SNW1: variants seen among roughly 807,000 people sequenced by gnomAD.
SNW1 encodes the protein SNW domain-containing protein 1.
SNW1 carries 9 observed loss-of-function variants against 75.6 expected under a neutral mutation model. The ratio of observed to expected loss-of-function variants is 0.12; its 90% confidence interval spans 0.07 to 0.21. The LOEUF (loss-of-function observed/expected upper bound fraction) is 0.21, where lower values mean the gene tolerates loss of function less well. Among genes scored for constraint, SNW1 ranks in the 10% least tolerant of loss-of-function variants. SNW1 has a pLI of 1.00. For synonymous variants in SNW1, 200 were observed against 219.1 expected, an observed-to-expected ratio of 0.91 and a Z score of 0.77; for missense variants, 409 against 670.9, an observed-to-expected ratio of 0.61 and a Z score of 4.31.
intron 6 of SNW1, among the ~76,000 whole-genome samples, chr14:77,736,604 A>C (rs2080674852): frequency 6.6e-6 from 1 of 151,500 alleles, no homozygotes; most frequent in Non-Finnish European, 1.5e-5. Flanking sequence ...TTATTGAGAT[A>C]ATTGACATTT....
chr14:77,740,193 A>G (rs1402806852), intron 3 of SNW1, among the ~76,000 whole-genome samples: 2 of 150,646 alleles, frequency 1.3e-5, no homozygotes, highest in Non-Finnish European at 3.0e-5. Flanking sequence ...AATAATAGGC[A>G]TTCTACCTTT....
chr14:77,736,110 C>A, intron 6 of SNW1, 104 bp from the exon 7 acceptor site: 2 of 756,984 alleles, frequency 2.6e-6, no homozygotes, highest in Admixed American at 2.6e-5. Context: ...CAAACATAGA[C>A]AAAAACAGAG....
At chr14:77,726,674 C>T (rs528460626) in intron 10 of SNW1, among the ~76,000 whole-genome samples, 39 of 152,150 alleles carry the variant, frequency 2.6e-4, no homozygotes, top group Non-Finnish European at 5.4e-4. Flanking sequence ...ATTAGCCAGG[C>T]GTGGTGGTGT....
chr14:77,742,676 CG>C (rs2080727788), intron 3 of SNW1, among the ~76,000 whole-genome samples: 2 of 152,012 alleles, frequency 1.3e-5, no homozygotes, highest in South Asian at 4.2e-4. Context: ...AAAGTTGTTA[CG>C]GTTTTTTAGG....
chr14:77,761,023 C>T (rs577166993), intron 1 of SNW1, 91 bp downstream of exon 1: 79 of 1,614,050 alleles, frequency 4.9e-5, no homozygotes, highest in African/African-American at 8.0e-5. Flanking sequence ...TGCCCCGGGT[C>T]AGGTCACCGC....
At position 77,731,071 on chromosome 14, in the gene SNW1, T is replaced by A. The variant is rs1209608884; in HGVS notation, c.950A>T (p.Lys317Met). The A allele has an allele frequency of 6.2e-7, 1 of 1,614,100 alleles. No individual in the cohort carries two copies. Among genetic ancestry groups the A allele is most frequent in the South Asian group, 1.1e-5 (1 of 91,080 alleles). ...QVERKMAQKE[K>M]EKHEEKLREM... ...TCTAAGTTTCTCTTCATGTTTTTCC[T>A]TTTCTTTCTGAGCCATTTTTCTCTC... The change falls in exon 10 of 14, where the codon AAG becomes ATG. Residue 317 changes from lysine to methionine, a missense_variant. By Grantham distance (95) the Lys-to-Met change is moderately conservative (BLOSUM62 -1). Coordinates refer to ENST00000261531, the MANE Select transcript of SNW1 (RefSeq NM_012245.3).
At chr14:77,720,466 AC>A in intron 12 of SNW1, 1 of 701,364 alleles carries the variant, frequency 1.4e-6, no homozygotes, top group Non-Finnish European at 2.6e-6. Context: ...CAAAAGGTTG[AC>A]ATACCACAAC....
rs2080499917 is a variant in SNW1, at chr14:77,717,727, A to G, written c.*361T>C. ...GGCAGGACAGTTCCAGTATGTGAAC[A>G]TCTTCCTCCTCACTGTGGTTGGGGT... On this transcript the variant is annotated 3_prime_UTR_variant, in exon 14 of 14. Transcript: ENST00000261531. 1 of 638,620 alleles carries G rather than the reference A, an allele frequency of 1.6e-6. No homozygotes were observed. Among genetic ancestry groups the G allele is most frequent in the Admixed American group, 2.9e-5 (1 of 34,396 alleles). 39.6% of individuals were successfully genotyped at this position (638,620 alleles called of 1,614,324 possible).
intron 10 of SNW1, among the ~76,000 whole-genome samples, chr14:77,728,441 A>G (rs2080603151): frequency 6.6e-6 from 1 of 152,182 alleles, no homozygotes; most frequent in African/African-American, 2.4e-5. Flanking sequence ...ACAAGAGCGA[A>G]ACTCCGTTTC....
intron 3 of SNW1, among the ~76,000 whole-genome samples, chr14:77,740,851 C>T (rs1362841231): frequency 2.6e-5 from 4 of 151,918 alleles, no homozygotes; most frequent in Non-Finnish European, 5.9e-5. Flanking sequence ...AATCCCAGCA[C>T]TTTGGGAGGC....
At chr14:77,724,376 AT>A (rs1398330949) in intron 10 of SNW1, among the ~76,000 whole-genome samples, 1 of 152,188 alleles carries the variant, frequency 6.6e-6, no homozygotes, top group Non-Finnish European at 1.5e-5. Flanking sequence ...ATCATTAACT[AT>A]TCTTCTCTTC....
At chr14:77,737,182 A>C in intron 5 of SNW1, 107 bp from the exon 6 acceptor site, 1 of 761,226 alleles carries the variant, frequency 1.3e-6, no homozygotes, top group Admixed American at 2.1e-5. Context: ...TTCCTTTCGC[A>C]AAGTATTAAC....
intron 5 of SNW1, 80 bp downstream of exon 5, chr14:77,738,697 TG>T: frequency 1.1e-6 from 1 of 913,496 alleles, no homozygotes; most frequent in Non-Finnish European, 1.8e-6. Context: ...GGTTGCTAAG[TG>T]GGTTAGTGAA....
rs778292757 is a variant in SNW1 at position 77,755,094 on chromosome 14, G to C, written c.41C>G (p.Ser14Cys). ...TSFLPAPTQL[S>C]QDQLEAEEKA... ...TTCTTCAGCCTCAAGCTGGTCCTGAGATAGCTGAGTAGGTGCAGGTAAAAA... is the reference window on the plus strand; with the variant it reads ...TTCTTCAGCCTCAAGCTGGTCCTGACATAGCTGAGTAGGTGCAGGTAAAAA... Residue 14 changes from serine to cysteine, a missense_variant, in exon 2 of 14, where the codon TCT becomes TGT. By Grantham distance (112) the Ser-to-Cys change is moderately radical. Transcript: ENST00000261531. 3 of 1,613,034 alleles carry C rather than the reference G, an allele frequency of 1.9e-6. No homozygotes were observed. Among genetic ancestry groups the C allele is most frequent in the South Asian group, 2.2e-5 (2 of 91,002 alleles).
intron 10 of SNW1, among the ~76,000 whole-genome samples, chr14:77,725,031 T>C (rs1566827070): frequency 6.6e-6 from 1 of 152,216 alleles, no homozygotes; most frequent in South Asian, 2.1e-4. Flanking sequence ...TTTTTAATGA[T>C]AGCCATTTTA....
At chr14:77,730,220 C>T (rs888134164) in intron 10 of SNW1, among the ~76,000 whole-genome samples, 1 of 152,150 alleles carries the variant, frequency 6.6e-6, no homozygotes, top group Admixed American at 6.5e-5. Context: ...AATTTTATAT[C>T]CTCTTTCCCT....
chr14:77,754,172 G>A (rs1476836115), intron 2 of SNW1, among the ~76,000 whole-genome samples: 1 of 151,644 alleles, frequency 6.6e-6, no homozygotes, highest in Non-Finnish European at 1.5e-5. Flanking sequence ...AGCCTCCGGA[G>A]TAGCTGGGAT....
chr14:77,738,913 T>C (rs374059100), intron 4 of SNW1, 29 bp from the exon 5 acceptor site: 30 of 1,610,670 alleles, frequency 1.9e-5, no homozygotes, highest in Non-Finnish European at 2.2e-5. Context: ...CATTGAGAGT[T>C]TGGAAGTTAA....
intron 10 of SNW1, among the ~76,000 whole-genome samples, chr14:77,729,623 A>G (rs1173008310): frequency 2.6e-5 from 4 of 152,174 alleles, no homozygotes; most frequent in African/African-American, 9.7e-5. Flanking sequence ...TGTTAACTAT[A>G]GTTAACAGTA....
Sources: allele counts gnomAD v4.1 joint callset (sites outside exome capture counted in the v4.1 genomes callset), GRCh38; gene constraint gnomAD v4.1.1; transcripts MANE v1.5; gene names NCBI Gene and HGNC (gene_info 2026-07-23, HGNC 2026-07-21).